Variants in FNDC3A observed in about 807,000 individuals in gnomAD.
The protein encoded by FNDC3A is fibronectin type-III domain-containing protein 3A.
FNDC3A carries 32 observed loss-of-function variants against 148.9 expected under a neutral mutation model. That is an observed-to-expected ratio of 0.21 (90% confidence interval 0.16 to 0.29). The LOEUF (loss-of-function observed/expected upper bound fraction) is 0.29, where lower values mean the gene tolerates loss of function less well. Ranked by LOEUF, FNDC3A falls within the 10% of genes least tolerant of loss-of-function variation. FNDC3A has a pLI of 1.00. For missense variants in FNDC3A, 1,191 were observed against 1,452.8 expected, an observed-to-expected ratio of 0.82 and a Z score of 2.93; for synonymous variants, 472 against 473.6, an observed-to-expected ratio of 1.00 and a Z score of 0.04.
chr13:48,996,457 T>C (rs1952025771), intron 1 of FNDC3A, among the ~76,000 whole-genome samples: 1 of 152,232 alleles, frequency 6.6e-6, no homozygotes, highest in Non-Finnish European at 1.5e-5. Flanking sequence ...ACAGAGCTTT[T>C]CTTTTTCATT....
chr13:49,073,185 G>C (rs1012351588), intron 2 of FNDC3A, among the ~76,000 whole-genome samples: 2 of 151,868 alleles, frequency 1.3e-5, no homozygotes, highest in Non-Finnish European at 2.9e-5. Context: ...GGAAAATAAA[G>C]AATTTAGTAA....
intron 2 of FNDC3A, chr13:49,045,748 G>A: frequency 1.6e-6 from 1 of 626,132 alleles, no homozygotes; most frequent in East Asian, 4.4e-5. Flanking sequence ...TGTTTTCTTT[G>A]TTTTGATTTT....
chr13:49,129,583 C>T (rs1881906204), intron 4 of FNDC3A, among the ~76,000 whole-genome samples: 1 of 152,172 alleles, frequency 6.6e-6, no homozygotes, highest in African/African-American at 2.4e-5. Context: ...CCCAGATTCC[C>T]TTCAGGTAGG....
intron 1 of FNDC3A, among the ~76,000 whole-genome samples, chr13:48,992,005 C>T (rs1307425650): frequency 3.9e-5 from 6 of 152,074 alleles, no homozygotes; most frequent in Admixed American, 2.6e-4. Flanking sequence ...AGTGGAAAAC[C>T]GAATGCTTGT....
In FNDC3A at chr13:49,207,943, A is replaced by C. The variant is rs185674639; in HGVS notation, c.*548A>C. Reference sequence around the variant, plus strand: ...GGCTTAGAAACAAAAACTGGATGAAAGAGTATGCATGAAGAAAAGCTTCTT... The same window carrying C: ...GGCTTAGAAACAAAAACTGGATGAACGAGTATGCATGAAGAAAAGCTTCTT... On this transcript the variant is annotated 3_prime_UTR_variant, in exon 26 of 26. Coordinates refer to ENST00000492622, the MANE Select transcript of FNDC3A (RefSeq NM_001079673.2). 1 of 152,660 alleles carries C rather than the reference A, an allele frequency of 6.6e-6. No homozygotes were observed. The highest frequency in any genetic ancestry group is 1.9e-4 in the East Asian group (1 of 5,202). The allele number at this position is 152,660 out of a possible 1,614,324, so 9.5% of individuals were successfully genotyped here.
chr13:49,034,389 C>G (rs1423487915), intron 2 of FNDC3A, among the ~76,000 whole-genome samples: 1 of 151,958 alleles, frequency 6.6e-6, no homozygotes, highest in Non-Finnish European at 1.5e-5. Flanking sequence ...ATGACTCTTT[C>G]ATACAGGTAC....
intron 2 of FNDC3A, among the ~76,000 whole-genome samples, chr13:49,008,960 C>G (rs1321313355): frequency 6.6e-6 from 1 of 151,808 alleles, no homozygotes; most frequent in Non-Finnish European, 1.5e-5. Context: ...ATATTTGTTA[C>G]AATTAATGAA....
intron 8 of FNDC3A, among the ~76,000 whole-genome samples, chr13:49,157,849 G>C (rs1883805283): frequency 1.5e-5 from 2 of 136,606 alleles, no homozygotes; most frequent in Non-Finnish European, 3.2e-5. Context: ...CAGGGGTCAG[G>C]GACCCACTTG....
intron 19 of FNDC3A, among the ~76,000 whole-genome samples, 193 bp from the exon 20 acceptor site, chr13:49,196,684 A>C (rs1436588921): frequency 6.6e-6 from 1 of 152,154 alleles, no homozygotes; most frequent in Non-Finnish European, 1.5e-5. Context: ...GAAACTTTAA[A>C]ATTTCTCACA....
At chr13:49,097,736 G>A (rs1198672811) in intron 3 of FNDC3A, among the ~76,000 whole-genome samples, 1 of 151,864 alleles carries the variant, frequency 6.6e-6, no homozygotes, top group African/African-American at 2.4e-5. Flanking sequence ...GTGTTTTCAG[G>A]GATAATATAT....
At chr13:49,105,699 A>G (rs1439117832) in intron 3 of FNDC3A, among the ~76,000 whole-genome samples, 1 of 152,182 alleles carries the variant, frequency 6.6e-6, no homozygotes, top group Non-Finnish European at 1.5e-5. Flanking sequence ...TAAAATTAGT[A>G]CTGCTATGAA....
intron 3 of FNDC3A, among the ~76,000 whole-genome samples, chr13:49,096,276 T>G (rs555946834): frequency 6.6e-6 from 1 of 152,212 alleles, no homozygotes; most frequent in South Asian, 2.1e-4. Context: ...AGGTTAAAAT[T>G]ATGACTCTAC....
At position 49,139,401 on chromosome 13, in the gene FNDC3A, A is replaced by G. The variant is rs183643821; in HGVS notation, c.819+596A>G. The stretch of plus-strand genomic sequence containing the variant: ...TATTTTTTGGTTCATAAAACAAACT[A>G]CTCTTTCCCAACTCTCAGAAACATC... On this transcript the variant is annotated intron_variant, in intron 7 of 25. Coordinates refer to ENST00000492622, the MANE Select transcript of FNDC3A (RefSeq NM_001079673.2). 5.3e-5 allele frequency among the ~76,000 whole-genome samples: 8 copies of G among 152,290 alleles called. No individual in the cohort carries two copies. The East Asian group carries it at 1.3e-3, about 26-fold the overall frequency.
intron 1 of FNDC3A, among the ~76,000 whole-genome samples, chr13:48,993,829 T>C (rs1310973348): frequency 6.6e-6 from 1 of 152,200 alleles, no homozygotes; most frequent in African/African-American, 2.4e-5. Flanking sequence ...AATCCTTCCA[T>C]GACTCCTTTT....
At chr13:48,984,545 TAAATG>T (rs1951754279) in intron 1 of FNDC3A, among the ~76,000 whole-genome samples, 1 of 152,186 alleles carries the variant, frequency 6.6e-6, no homozygotes, top group Non-Finnish European at 1.5e-5. Flanking sequence ...AATTGTATGA[TAAATG>T]AATGAGTAAT....
chr13:49,145,868 G>A lies in FNDC3A; in HGVS notation c.910G>A (p.Glu304Lys). ...NGETDESSVPELYGYEVLISS... is the reference protein window; with the variant it reads ...NGETDESSVPKLYGYEVLISS... ...TGAAACAGATGAAAGTAGTGTACCA[G>A]AGCTCTATGGTTATGAAGTTCTGAT... The change falls in exon 8 of 26, where the codon GAG becomes AAG. Residue 304 changes from glutamate to lysine, a missense_variant. Physicochemically the swap from Glu to Lys is moderately conservative, Grantham distance 56. Around this residue, in one of 3 missense-constraint regions of FNDC3A, gnomAD observed 426 missense variants for 473.2 expected, o/e 0.90. Coordinates refer to ENST00000492622, the MANE Select transcript of FNDC3A (RefSeq NM_001079673.2). 1.9e-6 allele frequency: 3 copies of A among 1,612,690 alleles called. No individual in the cohort carries two copies. Among genetic ancestry groups the A allele is most frequent in the Non-Finnish European group, 2.5e-6 (3 of 1,178,762 alleles).
At chr13:49,074,162 T>C (rs1325745757) in intron 2 of FNDC3A, among the ~76,000 whole-genome samples, 2 of 152,274 alleles carry the variant, frequency 1.3e-5, no homozygotes, top group African/African-American at 4.8e-5. Flanking sequence ...TGATGATTTC[T>C]GAGATTTGGG....
At chr13:49,043,573 A>AT (rs1190573174) in intron 2 of FNDC3A, among the ~76,000 whole-genome samples, 2 of 152,170 alleles carry the variant, frequency 1.3e-5, no homozygotes, top group Non-Finnish European at 2.9e-5. Context: ...GTATTAAAAC[A>AT]TGCTGTCATG....
intron 2 of FNDC3A, among the ~76,000 whole-genome samples, chr13:49,061,371 T>C (rs192661106): frequency 3.2e-4 from 4 of 12,490 alleles, no homozygotes; most frequent in African/African-American, 2.6e-3. Context: ...TCCCTTCCCT[T>C]CCCTTCCCTT....
Sources: allele counts gnomAD v4.1 joint callset (sites outside exome capture counted in the v4.1 genomes callset), GRCh38; gene constraint gnomAD v4.1.1; regional missense constraint gnomAD v4.1.1; transcripts MANE v1.5; gene names NCBI Gene and HGNC (gene_info 2026-07-23, HGNC 2026-07-21).